ROBO2: variants seen among roughly 807,000 people sequenced by gnomAD.
ROBO2 encodes roundabout guidance receptor 2.
ROBO2 carries 53 observed loss-of-function variants against 160.8 expected under a neutral mutation model. The ratio of observed to expected loss-of-function variants is 0.33; its 90% confidence interval spans 0.26 to 0.41. ROBO2 has a LOEUF of 0.41. Among genes scored for constraint, ROBO2 ranks in the 10% least tolerant of loss-of-function variants. The pLI, the probability that ROBO2 is intolerant of heterozygous loss-of-function variation, is 1.00. For missense variants in ROBO2, 1,577 were observed against 1,722.4 expected, an observed-to-expected ratio of 0.92 and a Z score of 1.49; for synonymous variants, 664 against 611.7, an observed-to-expected ratio of 1.09 and a Z score of -1.26.
At chr3:76,877,070 A>C (rs956458446) in intron 2 of ROBO2, among the ~76,000 whole-genome samples, 3 of 152,218 alleles carry the variant, frequency 2.0e-5, no homozygotes, top group Admixed American at 1.3e-4. Context: ...GAGTAAAGAA[A>C]AAAAATATTT....
intron 2 of ROBO2, among the ~76,000 whole-genome samples, chr3:75,988,736 T>A (rs139804368): frequency 0.013 from 1,949 of 152,146 alleles, 19 homozygotes; most frequent in Non-Finnish European, 0.022. Context: ...TCTGTAATGA[T>A]CCATTAGTTG....
intron 2 of ROBO2, among the ~76,000 whole-genome samples, chr3:76,231,358 T>G (rs1418541952): frequency 6.6e-6 from 1 of 152,218 alleles, no homozygotes; most frequent in East Asian, 1.9e-4. Context: ...CCCACTGCTC[T>G]GCGGTTTTAT....
intron 2 of ROBO2, among the ~76,000 whole-genome samples, chr3:76,925,745 A>G (rs982711204): frequency 3.9e-5 from 6 of 152,190 alleles, no homozygotes; most frequent in Non-Finnish European, 8.8e-5. Context: ...GCCACCTAGG[A>G]AAGAGAACTA....
chr3:77,291,837 C>T (rs553841271), intron 2 of ROBO2, among the ~76,000 whole-genome samples: 30 of 139,182 alleles, frequency 2.2e-4, no homozygotes, highest in Admixed American at 3.6e-4. Flanking sequence ...GATGGTTAAA[C>T]GGGTAAGCTG....
chr3:77,221,190 G>C (rs879405695), intron 2 of ROBO2, among the ~76,000 whole-genome samples: 8 of 152,090 alleles, frequency 5.3e-5, no homozygotes, highest in African/African-American at 1.9e-4. Flanking sequence ...TTCTTGACTG[G>C]GCACCCTCTG....
At chr3:75,916,796 G>T (rs1049502142) in intron 1 of ROBO2, among the ~76,000 whole-genome samples, 9 of 135,516 alleles carry the variant, frequency 6.6e-5, no homozygotes, top group African/African-American at 2.0e-4. Flanking sequence ...AATTGATTTT[G>T]ATTTAAATTC....
intron 2 of ROBO2, among the ~76,000 whole-genome samples, chr3:76,693,000 A>G (rs2092837684): frequency 6.7e-6 from 1 of 150,096 alleles, no homozygotes; most frequent in South Asian, 2.1e-4. Context: ...GTATGTATAT[A>G]TGTATGTATA....
At chr3:76,941,876 T>C (rs759535727) in intron 2 of ROBO2, among the ~76,000 whole-genome samples, 1 of 152,162 alleles carries the variant, frequency 6.6e-6, no homozygotes, top group Non-Finnish European at 1.5e-5. Flanking sequence ...AACTTAAAAA[T>C]TCATGTTTTT....
At chr3:77,325,760 C>A (rs1023774) in intron 2 of ROBO2, among the ~76,000 whole-genome samples, 23,088 of 151,986 alleles carry the variant, frequency 0.15, 1,940 homozygotes, top group East Asian at 0.25. Context: ...CTATTAGGCA[C>A]ATACTGGTTG....
chr3:77,475,263 A>C (rs1208407256), intron 2 of ROBO2, among the ~76,000 whole-genome samples: 3 of 152,200 alleles, frequency 2.0e-5, no homozygotes, highest in Non-Finnish European at 4.4e-5. Flanking sequence ...AAAGCCTAAA[A>C]TTACAGTTGA....
At chr3:76,262,209 A>G (rs954669956) in intron 2 of ROBO2, among the ~76,000 whole-genome samples, 1 of 152,108 alleles carries the variant, frequency 6.6e-6, no homozygotes, top group Admixed American at 6.6e-5. Context: ...TAAATCCAGA[A>G]CATTTAATAC....
chr3:76,640,895 C>G (rs952848160), intron 2 of ROBO2, among the ~76,000 whole-genome samples: 3 of 152,074 alleles, frequency 2.0e-5, no homozygotes, highest in Non-Finnish European at 1.5e-5. Context: ...GCACAGTGGC[C>G]AAAGCCAAGA....
At chr3:76,287,478 T>C (rs1845702) in intron 2 of ROBO2, among the ~76,000 whole-genome samples, 106,147 of 151,902 alleles carry the variant, frequency 0.7, 40,858 homozygotes, top group Non-Finnish European at 0.88. Flanking sequence ...AAAAATATTT[T>C]TAGTAGAGAC....
chr3:77,610,760 A>AT (rs1413027385), intron 21 of ROBO2, among the ~76,000 whole-genome samples: 3 of 149,858 alleles, frequency 2.0e-5, no homozygotes, highest in Non-Finnish European at 4.4e-5. Flanking sequence ...AAAAAAAAAA[A>AT]AAAAAAAGAA....
At chr3:77,018,421 C>T (rs759930253) in intron 2 of ROBO2, among the ~76,000 whole-genome samples, 1 of 152,154 alleles carries the variant, frequency 6.6e-6, no homozygotes, top group Non-Finnish European at 1.5e-5. Flanking sequence ...AACATGTACA[C>T]ACTCAATATG....
At chr3:77,141,429 A>G (rs925024773) in intron 2 of ROBO2, among the ~76,000 whole-genome samples, 1 of 152,250 alleles carries the variant, frequency 6.6e-6, no homozygotes, top group East Asian at 1.9e-4. Flanking sequence ...GCTCTGGTCC[A>G]TTGCCTTGTT....
At chr3:76,650,483 T>TC (rs2091204391) in intron 2 of ROBO2, among the ~76,000 whole-genome samples, 1 of 149,364 alleles carries the variant, frequency 6.7e-6, no homozygotes, top group African/African-American at 2.4e-5. Flanking sequence ...TTCTTTCTCT[T>TC]TTTTTTTTTA....
intron 2 of ROBO2, among the ~76,000 whole-genome samples, chr3:76,975,618 G>A (rs1287238500): frequency 2.0e-5 from 3 of 151,976 alleles, no homozygotes; most frequent in Admixed American, 1.3e-4. Context: ...CTGTTTTCCC[G>A]AAGCTTTCTT....
At chr3:77,511,869 C>A (rs2089437780) in intron 5 of ROBO2, among the ~76,000 whole-genome samples, 1 of 151,882 alleles carries the variant, frequency 6.6e-6, no homozygotes, top group Non-Finnish European at 1.5e-5. Context: ...AGGATTTTTT[C>A]TTTCTTTCAT....
Sources: allele counts gnomAD v4.1 joint callset (sites outside exome capture counted in the v4.1 genomes callset), GRCh38; gene constraint gnomAD v4.1.1; transcripts MANE v1.5; gene names NCBI Gene and HGNC (gene_info 2026-07-23, HGNC 2026-07-21).